The following SKI variants were observed in gnomAD, a reference collection of about 807,000 sequenced individuals.
The protein encoded by SKI is ski oncogene.
In SKI, 23 loss-of-function variants were observed where a neutral mutation model predicts 59.3. The ratio of observed to expected loss-of-function variants is 0.39; its 90% confidence interval spans 0.28 to 0.55. The LOEUF is 0.55. Ranked by LOEUF, SKI falls within the 20% of genes least tolerant of loss-of-function variation. SKI has a pLI of 0.67. For synonymous variants in SKI, 673 were observed against 488.6 expected (o/e 1.38, Z -4.98); for missense variants, 1,017 against 1,038.9 (o/e 0.98, Z 0.29).
chr1:2,283,365 G>A (rs868727857), intron 1 of SKI, among the ~76,000 whole-genome samples: 3 of 152,192 alleles, frequency 2.0e-5, no homozygotes, highest in Non-Finnish European at 2.9e-5. Context: ...GGGAGGGCAG[G>A]GCCTCCTGAG....
At chr1:2,272,430 G>GT (rs1639645135) in intron 1 of SKI, among the ~76,000 whole-genome samples, 1 of 152,210 alleles carries the variant, frequency 6.6e-6, no homozygotes, top group Admixed American at 6.5e-5. Context: ...CCGCTGGGGG[G>GT]TTGGGGAGAC....
intron 1 of SKI, among the ~76,000 whole-genome samples, chr1:2,274,789 C>A (rs1252070417): frequency 6.6e-6 from 1 of 152,204 alleles, no homozygotes; most frequent in East Asian, 1.9e-4. Context: ...ACCCCACTTT[C>A]TGGGTGGGAG....
intron 1 of SKI, among the ~76,000 whole-genome samples, chr1:2,301,429 C>G (rs947982764): frequency 6.6e-6 from 1 of 151,540 alleles, no homozygotes; most frequent in South Asian, 2.1e-4. Flanking sequence ...GAGCACTTAT[C>G]TTTCTCCCTT....
chr1:2,300,241 C>A (rs548707662), intron 1 of SKI, among the ~76,000 whole-genome samples: 1 of 152,368 alleles, frequency 6.6e-6, no homozygotes, highest in Admixed American at 6.5e-5. Context: ...GTCTGGCCTC[C>A]GCTGTGTAAG....
chr1:2,245,263 CTCCT>C (rs1638968077), intron 1 of SKI, among the ~76,000 whole-genome samples: 2 of 152,238 alleles, frequency 1.3e-5, no homozygotes, highest in Non-Finnish European at 1.5e-5. Flanking sequence ...GTGTCACAGT[CTCCT>C]TCCTTCTCAA....
intron 1 of SKI, among the ~76,000 whole-genome samples, chr1:2,289,693 G>C (rs114333584): frequency 6.6e-6 from 1 of 151,950 alleles, no homozygotes; most frequent in African/African-American, 2.4e-5. Flanking sequence ...CGAGCCCACC[G>C]TGTGCTTCTT....
chr1:2,234,395 G>A (rs1175554125), intron 1 of SKI, among the ~76,000 whole-genome samples: 2 of 152,234 alleles, frequency 1.3e-5, no homozygotes, highest in African/African-American at 2.4e-5. Flanking sequence ...CGGTGGGGGG[G>A]CTAGTCCTCT....
intron 1 of SKI, among the ~76,000 whole-genome samples, chr1:2,265,247 C>T (rs1425936007): frequency 6.6e-6 from 1 of 152,198 alleles, no homozygotes; most frequent in Non-Finnish European, 1.5e-5. Context: ...TGCGTCCCTC[C>T]TCTGGGCACT....
intron 1 of SKI, chr1:2,247,882 C>G (rs1451793625): frequency 1.3e-5 from 2 of 152,424 alleles, no homozygotes; most frequent in Admixed American, 6.5e-5. Context: ...TGCGCCATTG[C>G]CAACGCAGCT....
chr1:2,288,702 C>T (rs1316832031), intron 1 of SKI, among the ~76,000 whole-genome samples: 2 of 152,198 alleles, frequency 1.3e-5, no homozygotes, highest in African/African-American at 4.8e-5. Context: ...CTGTGGGTCA[C>T]CTCCACACAT....
chr1:2,245,958 G>A (rs1638985201), intron 1 of SKI, among the ~76,000 whole-genome samples: 1 of 151,668 alleles, frequency 6.6e-6, no homozygotes, highest in Admixed American at 6.6e-5. Flanking sequence ...CACCACACCT[G>A]GCTAATTTTT....
rs1235643252 is a variant in SKI, at chr1:2,309,577, A to T, written c.*2812A>T. The T allele has an allele frequency of 3.3e-5, 5 of 152,154 alleles. No homozygotes were observed. The East Asian group carries it at 9.7e-4, about 29-fold the overall frequency. 9.4% of individuals were successfully genotyped at this position (152,154 alleles called of 1,614,324 possible). Reference sequence around the variant, plus strand: ...GCTGTTTTTAACTGAGGAAAAAAAAAATGCTTTCCTGCCGGGGGGCAGGGG... The same window carrying T: ...GCTGTTTTTAACTGAGGAAAAAAAATATGCTTTCCTGCCGGGGGGCAGGGG... On this transcript the variant is annotated 3_prime_UTR_variant, in exon 7 of 7. Transcript: ENST00000378536.
At chr1:2,289,048 TGCAC>T (rs1640105879) in intron 1 of SKI, among the ~76,000 whole-genome samples, 1 of 152,208 alleles carries the variant, frequency 6.6e-6, no homozygotes, top group Non-Finnish European at 1.5e-5. Flanking sequence ...GTCAGCTTGC[TGCAC>T]CCACCCGGGA....
rs1223347843 is a variant in SKI at position 2,281,165 on chromosome 1, AGGACGCCCGAGAGGACAGGC to A, written c.970-21810_970-21791del. Among the ~76,000 whole-genome samples the A allele has an allele frequency of 1.5e-4, 5 of 32,490 alleles. 2 individuals are homozygous for A. The highest frequency in any genetic ancestry group is 1.8e-4 in the Non-Finnish European group (3 of 16,398). The allele number at this position is 32,490 out of a possible 152,430, so 21.3% of individuals were successfully genotyped here. On this transcript the variant is annotated intron_variant, in intron 1 of 6. Transcript: ENST00000378536. ...GGCGGTGGCGGAGATCTTCAGAGAG[AGGACGCCCGAGAGGACAGGC>A]GGTGGCGGAGATCTTCATAGAGAGG...
intron 1 of SKI, among the ~76,000 whole-genome samples, chr1:2,290,382 A>G (rs1405258604): frequency 6.6e-6 from 1 of 152,044 alleles, no homozygotes; most frequent in African/African-American, 2.4e-5. Context: ...ACACTTGGGA[A>G]CTGAGGGGAC....
In SKI at chr1:2,229,564, C is replaced by G; in HGVS notation, c.798C>G (p.Ala266=). ...AGTTCGTGGTGCACTCGCACAAGGCCCTGGAGAACCGGACCTGCCACTGGG... is the reference window on the plus strand; with the variant it reads ...AGTTCGTGGTGCACTCGCACAAGGCGCTGGAGAACCGGACCTGCCACTGGG... ...PHKFVVHSHK[A]LENRTCHWGF... The change falls in exon 1 of 7, where the codon GCC becomes GCG. Residue 266 remains alanine (A), a synonymous_variant. Transcript: ENST00000378536. This position sits in a 1 kb window ranked among gnomAD's most constrained non-coding sequence, Gnocchi z 6.3. 3 of 1,611,518 alleles carry G rather than the reference C, an allele frequency of 1.9e-6. No individual in the cohort carries two copies. The highest frequency in any genetic ancestry group is 2.5e-6 in the Non-Finnish European group (3 of 1,179,942).
intron 1 of SKI, among the ~76,000 whole-genome samples, chr1:2,261,917 G>A (rs374294146): frequency 6.6e-5 from 9 of 136,286 alleles, no homozygotes; most frequent in African/African-American, 1.9e-4. Context: ...CAGAGTTTGG[G>A]TGGGAGTGGT....
At position 2,308,010 on chromosome 1, in the gene SKI, A is replaced by C. The variant is rs778505096; in HGVS notation, c.*1245A>C. Reference sequence around the variant, plus strand: ...AGCGACTGAATCTGCCACTCTCAGAATAAGTTCCTTGCATTTATTCCAAAT... The same window carrying C: ...AGCGACTGAATCTGCCACTCTCAGACTAAGTTCCTTGCATTTATTCCAAAT... On this transcript the variant is annotated 3_prime_UTR_variant, in exon 7 of 7. Transcript: ENST00000378536. The C allele has an allele frequency of 6.6e-6, 1 of 152,460 alleles. No individual in the cohort carries two copies. The highest frequency in any genetic ancestry group is 1.9e-4 in the East Asian group (1 of 5,202). The allele number at this position is 152,460 out of a possible 1,614,324, so 9.4% of individuals were successfully genotyped here. A position where few individuals can be genotyped will look rare whatever the true frequency, so the allele number is the denominator to read the frequency against.
rs537484392 is a variant in SKI, at chr1:2,269,147, A to G, written c.970-33831A>G. ...TTTTGGGTAGAGATGGGGTCTCGCC[A>G]TGTTGTCCAGGCTGGTCTAGAACTC... On this transcript the variant is annotated intron_variant, in intron 1 of 6. Transcript: ENST00000378536. This position sits in a 1 kb window ranked among gnomAD's most constrained non-coding sequence, Gnocchi z 4.7. Among the ~76,000 whole-genome samples, 244 of 152,224 alleles carry G rather than the reference A, an allele frequency of 1.6e-3. No homozygotes were observed. Among genetic ancestry groups the G allele is most frequent in the African/African-American group, 5.0e-3 (208 of 41,546 alleles).
Sources: allele counts gnomAD v4.1 joint callset (sites outside exome capture counted in the v4.1 genomes callset), GRCh38; gene constraint gnomAD v4.1.1; non-coding constraint Gnocchi (gnomAD v3.1); transcripts MANE v1.5; gene names NCBI Gene and HGNC (gene_info 2026-07-23, HGNC 2026-07-21).